Variants in GCN1 observed in about 807,000 individuals in gnomAD.
GCN1 encodes the protein GCN1 activator of EIF2AK4.
A neutral mutation model predicts 288.4 loss-of-function variants in GCN1; 90 were observed. That is an observed-to-expected ratio of 0.31 (90% CI 0.26 to 0.37). The LOEUF is 0.37. Ranked by LOEUF, GCN1 falls within the 10% of genes least tolerant of loss-of-function variation. The pLI is 1.00. For missense variants in GCN1, 2,586 were observed against 3,419.9 expected, an observed-to-expected ratio of 0.76 and a Z score of 6.08; for synonymous variants, 1,386 against 1,420.2, an observed-to-expected ratio of 0.98 and a Z score of 0.54.
chr12:120,157,890 G>C lies in GCN1; in HGVS notation c.3046C>G (p.Leu1016Val). The C allele has an allele frequency of 6.2e-7, 1 of 1,613,970 alleles. No individual in the cohort carries two copies. Residue 1016 changes from leucine to valine, a missense_variant, in exon 26 of 58, where the codon CTG (leucine) becomes GTG (valine). Around this residue, in one of 8 missense-constraint regions of GCN1, gnomAD observed 153 missense variants for 252.0 expected, o/e 0.61. Coordinates refer to ENST00000300648, the MANE Select transcript of GCN1 (RefSeq NM_006836.2). ...ILQILTVQAQ[L>V]RASPNTPPGR... is the part of the protein sequence containing the mutation. ...GGTGGGGTGTTGGGGGAGGCCCTCA[G>C]CTGGGCTTGGACAGTGAGGATCTGA...
Position 120,144,568 on chromosome 12 carries a change from A to G in GCN1, c.5352+71T>C. On this transcript the variant is annotated intron_variant, in intron 41 of 57. Transcript: ENST00000300648. This position sits in a 1 kb window ranked among gnomAD's most constrained non-coding sequence, Gnocchi z 4.7. Reference sequence around the variant, plus strand: ...CCAACCCCAGCCAGCAGGGATCTCTAGCTCTCCAGGTGAGCACTTGCCTCC... The same window carrying G: ...CCAACCCCAGCCAGCAGGGATCTCTGGCTCTCCAGGTGAGCACTTGCCTCC... 5 of 1,550,330 alleles carry G rather than the reference A, an allele frequency of 3.2e-6. No individual in the cohort carries two copies. Among genetic ancestry groups the G allele is most frequent in the Non-Finnish European group, 4.4e-6 (5 of 1,130,904 alleles).
chr12:120,148,346 C>T lies in GCN1; in HGVS notation c.4547G>A (p.Gly1516Glu). Residue 1516 changes from glycine to glutamate, a missense_variant and splice_region_variant, in exon 37 of 58, where the codon GGG becomes GAG. Physicochemically the swap from Gly to Glu is moderately conservative, Grantham distance 98 (BLOSUM62 -2). This residue lies in a region of GCN1 where 371 missense variants were observed against 572.6 expected (regional missense o/e 0.65). Transcript: ENST00000300648. ...CATTGCCCCAAGAAGCTCCACTGAC[C>T]CTGTGGATAGCAGACACAAGCCCAG... ...LEEESWRTKA[G>E]SVELLGAMAY... 6.2e-7 allele frequency: 1 copy of T among 1,610,850 alleles called. No homozygotes were observed. The highest frequency in any genetic ancestry group is 8.5e-7 in the Non-Finnish European group (1 of 1,177,668).
In GCN1 at chr12:120,134,994, T is replaced by C. The variant is rs530071638; in HGVS notation, c.7009-268A>G. On this transcript the variant is annotated intron_variant, in intron 51 of 57. Transcript: ENST00000300648. The surrounding 1 kb of genome is among the most constrained non-coding windows in gnomAD (Gnocchi z 5.0). ...ATCTGAGGGAGCTGTCTCGCAGCCT[T>C]GGCTGCGTTGGGGTTTGGCTTAGTG... Among the ~76,000 whole-genome samples the C allele has an allele frequency of 1.3e-5, 2 of 152,314 alleles. No homozygotes were observed. Among genetic ancestry groups the C allele is most frequent in the African/African-American group, 4.8e-5 (2 of 41,572 alleles).
At chr12:120,182,163 A>C (rs1241305221) in intron 5 of GCN1, among the ~76,000 whole-genome samples, 2 of 151,868 alleles carry the variant, frequency 1.3e-5, no homozygotes, top group Admixed American at 6.6e-5. Flanking sequence ...AGAAAACAAA[A>C]AAAAAAAAAC....
At position 120,149,922 on chromosome 12, in the gene GCN1, C is replaced by G. The variant is rs1260221053; in HGVS notation, c.4431G>C (p.Glu1477Asp). 6.2e-6 allele frequency: 10 copies of G among 1,614,164 alleles called. No homozygotes were observed. Among genetic ancestry groups the G allele is most frequent in the Non-Finnish European group, 8.5e-6 (10 of 1,180,024 alleles). The change falls in exon 35 of 58, where the codon GAG becomes GAC. Residue 1477 changes from glutamate to aspartate, a missense_variant and splice_region_variant. Glu to Asp is a conservative substitution (Grantham distance 45). Coordinates refer to ENST00000300648, the MANE Select transcript of GCN1 (RefSeq NM_006836.2). ...TCTCCCGAGCAGTCCGGGGACTTACCTCACGCACATACTGGTTTCCATCCC... is the reference window on the plus strand; with the variant it reads ...TCTCCCGAGCAGTCCGGGGACTTACGTCACGCACATACTGGTTTCCATCCC... ...CFGDGNQYVR[E>D]AADDCAKAVM... is the part of the protein sequence containing the mutation.
intron 15 of GCN1, 109 bp from the exon 16 acceptor site, chr12:120,168,409 G>A (rs1365265088): frequency 1.2e-5 from 9 of 728,780 alleles, no homozygotes; most frequent in African/African-American, 3.5e-5. Context: ...ACCCTCCTCT[G>A]CAGCAGGAGG....
intron 55 of GCN1, 44 bp from the exon 56 acceptor site, chr12:120,130,797 T>G: frequency 1.6e-6 from 2 of 1,286,134 alleles, no homozygotes; most frequent in Non-Finnish European, 1.1e-6. Flanking sequence ...CCCCACCCCT[T>G]CCCCAGAGCC....
intron 11 of GCN1, 64 bp from the exon 12 acceptor site, chr12:120,175,276 TGCAGTCA>T: frequency 7.4e-7 from 1 of 1,357,316 alleles, no homozygotes; most frequent in Non-Finnish European, 1.1e-6. Flanking sequence ...GAGTGAACAA[TGCAGTCA>T]CGTGTGTGAT....
chr12:120,159,843 A>C lies in GCN1; in HGVS notation c.2731T>G (p.Ser911Ala). 1 of 1,614,094 alleles carries C rather than the reference A, an allele frequency of 6.2e-7. No individual in the cohort carries two copies. Among genetic ancestry groups the C allele is most frequent in the Non-Finnish European group, 8.5e-7 (1 of 1,179,948 alleles). ...FLSLAACVMP[S>A]RLKALGTLVS... The stretch of plus-strand genomic sequence containing the variant: ...GACTAACCCAAAGCCTTGAGCCTAG[A>C]GGGCATGACACAGGCAGCCAAGGAC... Residue 911 changes from serine to alanine, a missense_variant, in exon 24 of 58, where the codon TCT becomes GCT. Around this residue, in one of 8 missense-constraint regions of GCN1, gnomAD observed 153 missense variants for 252.0 expected, o/e 0.61. Transcript: ENST00000300648.
chr12:120,188,450 A>AAC (rs1878894592), intron 2 of GCN1, among the ~76,000 whole-genome samples: 1 of 151,052 alleles, frequency 6.6e-6, no homozygotes, highest in African/African-American at 2.4e-5. Flanking sequence ...GAAAAAAAAA[A>AAC]AAAAAAAACC....
chr12:120,180,759 C>T (rs1224052581), intron 5 of GCN1, among the ~76,000 whole-genome samples: 6 of 151,702 alleles, frequency 4.0e-5, no homozygotes, highest in African/African-American at 9.7e-5. Flanking sequence ...GAGGCTGAGG[C>T]GGGCGGATCA....
At chr12:120,186,700 A>G (rs1878831564) in intron 2 of GCN1, among the ~76,000 whole-genome samples, 1 of 152,240 alleles carries the variant, frequency 6.6e-6, no homozygotes, top group Admixed American at 6.5e-5. Context: ...GGGGCCAGAA[A>G]CAGGTTGTGG....
In GCN1 at chr12:120,153,818, G is replaced by A. The variant is rs201227891; in HGVS notation, c.3793C>T (p.Leu1265Phe). ...CGGACATCTGGGTGTCGGTCATTGA[G>A]GGCATCAGGGACAAAAAACTGAAAG... ...PLFQFFVPDA[L>F]NDRHPDVRKC... The change falls in exon 32 of 58, where the codon CTC (leucine) becomes TTC (phenylalanine). Residue 1265 changes from leucine (L) to phenylalanine (F), a missense_variant. Transcript: ENST00000300648. This position sits in a 1 kb window ranked among gnomAD's most constrained non-coding sequence, Gnocchi z 4.4. 6 of 1,614,056 alleles carry A rather than the reference G, an allele frequency of 3.7e-6. No homozygotes were observed. The highest frequency in any genetic ancestry group is 1.3e-5 in the African/African-American group (1 of 75,046).
chr12:120,163,980 A>G (rs1045435595), intron 18 of GCN1, among the ~76,000 whole-genome samples: 3 of 152,168 alleles, frequency 2.0e-5, no homozygotes, highest in African/African-American at 7.2e-5. Flanking sequence ...AAATCAAAAA[A>G]TTAGCGGCCA....
In GCN1 at chr12:120,134,276, T is replaced by G. The variant is rs765721393; in HGVS notation, c.7317+15A>C. ...AGTGGTCCAGTGCTGCCACTAGTCC[T>G]GCCTGCAGCCGTACCTCATCGTGTC... On this transcript the variant is annotated intron_variant, in intron 53 of 57. Coordinates refer to ENST00000300648, the MANE Select transcript of GCN1 (RefSeq NM_006836.2). This position sits in a 1 kb window ranked among gnomAD's most constrained non-coding sequence, Gnocchi z 5.0. 6.3e-7 allele frequency: 1 copy of G among 1,581,884 alleles called. No individual in the cohort carries two copies. The highest frequency in any genetic ancestry group is 8.7e-7 in the Non-Finnish European group (1 of 1,150,958).
At chr12:120,187,859 C>T (rs576252905) in intron 2 of GCN1, among the ~76,000 whole-genome samples, 139 of 139,892 alleles carry the variant, frequency 9.9e-4, no homozygotes, top group African/African-American at 3.7e-3. Flanking sequence ...CAATGCTATA[C>T]GGTAAAAACA....
chr12:120,142,771 G>C lies in GCN1; in HGVS notation c.5614-49C>G. On this transcript the variant is annotated intron_variant, in intron 43 of 57. Coordinates refer to ENST00000300648, the MANE Select transcript of GCN1 (RefSeq NM_006836.2). This position sits in a 1 kb window ranked among gnomAD's most constrained non-coding sequence, Gnocchi z 4.9. ...AGAGTAGTGAAGCCTCTATGGCATG[G>C]GCATCAGGGCACACCCTACCATCAG... The C allele has an allele frequency of 6.3e-7, 1 of 1,598,902 alleles. No homozygotes were observed. Among genetic ancestry groups the C allele is most frequent in the Non-Finnish European group, 8.6e-7 (1 of 1,166,180 alleles).
chr12:120,181,282 A>G (rs1878649165), intron 5 of GCN1, among the ~76,000 whole-genome samples: 1 of 151,496 alleles, frequency 6.6e-6, no homozygotes, highest in African/African-American at 2.4e-5. Context: ...CCCGGGCAAC[A>G]AAAGAAAACC....
chr12:120,178,934 A>C lies in GCN1; in HGVS notation c.443T>G (p.Leu148Arg), dbSNP rs769236923. The C allele has an allele frequency of 6.2e-7, 1 of 1,613,602 alleles. No individual in the cohort carries two copies. Among genetic ancestry groups the C allele is most frequent in the South Asian group, 1.1e-5 (1 of 91,038 alleles). Reference sequence around the variant, plus strand: ...GCCACCCAGCACCTCCAGCAAGAGCAGGCACTGCACTTCCACCTGCCAGGA... The same window carrying C: ...GCCACCCAGCACCTCCAGCAAGAGCCGGCACTGCACTTCCACCTGCCAGGA... ...IWNKLVEVQC[L>R]LLLEVLGGSH... is the part of the protein sequence containing the mutation. Residue 148 changes from leucine (L) to arginine (R), a missense_variant, in exon 6 of 58, where the codon CTG (leucine) becomes CGG (arginine). Transcript: ENST00000300648.
Sources: gnomAD v4.1 joint callset for allele counts (sites outside exome capture counted in the v4.1 genomes callset) on GRCh38, gnomAD v4.1.1 for gene constraint, gnomAD v4.1.1 regional missense constraint, Gnocchi (gnomAD v3.1) non-coding constraint, MANE v1.5 for transcripts, NCBI Gene and HGNC (gene_info 2026-07-23, HGNC 2026-07-21) for gene names.